Variants in FHIT observed in about 807,000 individuals in gnomAD.
The protein encoded by FHIT is fragile histidine triad diadenosine triphosphatase, also known as bis(5'-adenosyl)-triphosphatase.
Under a neutral mutation model 17.9 loss-of-function variants are expected in FHIT, and 19 were observed. The ratio of observed to expected loss-of-function variants is 1.06; its 90% CI spans 0.74 to 1.56. The LOEUF is 1.56. FHIT is among the 40% of genes most tolerant of loss of function. FHIT has a pLI of 0.00. For missense variants in FHIT, 248 were observed against 189.2 expected (o/e 1.31, Z -1.82); for synonymous variants, 81 against 69.7 (o/e 1.16, Z -0.81).
intron 5 of FHIT, among the ~76,000 whole-genome samples, chr3:60,501,585 T>C (rs908408389): frequency 6.6e-6 from 1 of 152,202 alleles, no homozygotes; most frequent in Non-Finnish European, 1.5e-5. Flanking sequence ...TTCCACTTCC[T>C]GGCTCCTACG....
chr3:60,517,212 A>T (rs560294834), intron 5 of FHIT, among the ~76,000 whole-genome samples: 1 of 152,286 alleles, frequency 6.6e-6, no homozygotes, highest in South Asian at 2.1e-4. Context: ...GCAAATTTTT[A>T]TCTATTTCAT....
At chr3:60,003,707 T>C (rs1489589853) in intron 7 of FHIT, among the ~76,000 whole-genome samples, 1 of 152,142 alleles carries the variant, frequency 6.6e-6, no homozygotes, top group Non-Finnish European at 1.5e-5. Context: ...ATCACACCAC[T>C]GCACTTCAGC....
At chr3:59,907,280 T>C (rs1434495414) in intron 8 of FHIT, among the ~76,000 whole-genome samples, 1 of 152,222 alleles carries the variant, frequency 6.6e-6, no homozygotes, top group Non-Finnish European at 1.5e-5. Context: ...ACAGTTACTG[T>C]CACTAATTTC....
intron 4 of FHIT, among the ~76,000 whole-genome samples, chr3:60,743,827 G>A (rs1322267188): frequency 6.6e-6 from 1 of 152,230 alleles, no homozygotes; most frequent in African/African-American, 2.4e-5. Flanking sequence ...AGGAGACTCA[G>A]CGCTGGTTCT....
intron 8 of FHIT, among the ~76,000 whole-genome samples, chr3:59,817,486 G>A (rs1290515838): frequency 6.6e-6 from 1 of 150,606 alleles, no homozygotes; most frequent in African/African-American, 2.4e-5. Context: ...ACTTGAGGCC[G>A]GGAGGTCGGG....
chr3:59,759,677 A>G (rs1701403805), intron 8 of FHIT, among the ~76,000 whole-genome samples: 1 of 152,030 alleles, frequency 6.6e-6, no homozygotes, highest in Admixed American at 6.5e-5. Context: ...ACGATTCTGG[A>G]TGCTTTCATG....
chr3:61,225,173 G>T (rs148679281), intron 1 of FHIT, among the ~76,000 whole-genome samples: 510 of 152,292 alleles, frequency 3.3e-3, no homozygotes, highest in Non-Finnish European at 5.0e-3. Context: ...TTTGGCAACA[G>T]TCAAAATATC....
At chr3:60,078,181 C>T (rs1215270348) in intron 5 of FHIT, among the ~76,000 whole-genome samples, 1 of 152,040 alleles carries the variant, frequency 6.6e-6, no homozygotes, top group Non-Finnish European at 1.5e-5. Flanking sequence ...ACATTTTCTA[C>T]AAGTATATTC....
Position 60,359,321 on chromosome 3 carries a change from G to T in FHIT, c.103+177539C>A, listed in dbSNP as rs12496431. On this transcript the variant is annotated intron_variant, in intron 5 of 9. Transcript: ENST00000492590. ...TTTTGAGATGGAGCCTCGCTCTATC[G>T]CCAAGCTGGAGTACAGTGGTGTGAT... Among the ~76,000 whole-genome samples, 5 of 131,712 alleles carry T rather than the reference G, an allele frequency of 3.8e-5. No homozygotes were observed. The East Asian group carries it at 6.6e-4, about 17-fold the overall frequency. 86.4% of individuals were successfully genotyped at this position (131,712 alleles called of 152,430 possible). A position where few individuals can be genotyped will look rare whatever the true frequency, so the allele number is the denominator to read the frequency against.
chr3:60,128,130 G>T (rs1056893944), intron 5 of FHIT, among the ~76,000 whole-genome samples: 2 of 152,148 alleles, frequency 1.3e-5, no homozygotes, highest in Non-Finnish European at 2.9e-5. Context: ...ATGACTAAAA[G>T]AAGATAAGTT....
chr3:60,776,553 T>A (rs557241823), intron 4 of FHIT, among the ~76,000 whole-genome samples: 1 of 152,208 alleles, frequency 6.6e-6, no homozygotes, highest in Non-Finnish European at 1.5e-5. Context: ...ACAAACTGCT[T>A]TTTGGGTTTT....
At chr3:60,556,240 A>G (rs1013296063) in intron 4 of FHIT, among the ~76,000 whole-genome samples, 2 of 152,214 alleles carry the variant, frequency 1.3e-5, no homozygotes, top group African/African-American at 4.8e-5. Flanking sequence ...AAAAGAGGCT[A>G]GACAAATGTT....
chr3:60,743,603 C>T (rs1338366427), intron 4 of FHIT, among the ~76,000 whole-genome samples: 1 of 152,176 alleles, frequency 6.6e-6, no homozygotes, highest in Non-Finnish European at 1.5e-5. Context: ...TTGAAAACAT[C>T]AGAAATTCTG....
chr3:60,515,722 C>T (rs182121684), intron 5 of FHIT, among the ~76,000 whole-genome samples: 1 of 152,038 alleles, frequency 6.6e-6, no homozygotes, highest in Admixed American at 6.6e-5. Flanking sequence ...TTCATATGGA[C>T]GAGAGAGAGT....
chr3:60,835,907 A>G (rs1441051501), intron 3 of FHIT, among the ~76,000 whole-genome samples: 1 of 152,170 alleles, frequency 6.6e-6, no homozygotes, highest in African/African-American at 2.4e-5. Context: ...CAGTCACTAC[A>G]CCCAGCCACT....
chr3:61,024,349 T>C (rs2032620792), intron 3 of FHIT, among the ~76,000 whole-genome samples: 1 of 152,002 alleles, frequency 6.6e-6, no homozygotes, highest in Admixed American at 6.6e-5. Context: ...AGCCAAACAA[T>C]AGAGAGGCAA....
chr3:60,794,408 G>GGATA (rs1461305815), intron 4 of FHIT, among the ~76,000 whole-genome samples: 78 of 149,536 alleles, frequency 5.2e-4, no homozygotes, highest in Non-Finnish European at 9.0e-4. Flanking sequence ...ATGGATGGAT[G>GGATA]GATGGATGGA....
At chr3:61,207,301 C>A (rs2039275153) in intron 1 of FHIT, among the ~76,000 whole-genome samples, 1 of 152,014 alleles carries the variant, frequency 6.6e-6, no homozygotes, top group South Asian at 2.1e-4. Flanking sequence ...GTGTCTCTGC[C>A]CAGCTTTGGT....
At chr3:60,493,849 T>G (rs550746219) in intron 5 of FHIT, among the ~76,000 whole-genome samples, 24 of 152,276 alleles carry the variant, frequency 1.6e-4, no homozygotes, top group African/African-American at 5.8e-4. Flanking sequence ...TAATGGAGTG[T>G]TGAATGGAAC....
Sources: gnomAD v4.1 joint callset for allele counts (sites outside exome capture counted in the v4.1 genomes callset) on GRCh38, gnomAD v4.1.1 for gene constraint, MANE v1.5 for transcripts, NCBI Gene and HGNC (gene_info 2026-07-23, HGNC 2026-07-21) for gene names.